The following ARHGAP6 variants were observed in gnomAD, a reference collection of about 807,000 sequenced individuals.
ARHGAP6 encodes the protein Rho GTPase activating protein 6.
In ARHGAP6, 16 loss-of-function variants were observed where a neutral mutation model predicts 55.7. That is an observed-to-expected ratio of 0.29 (90% CI 0.19 to 0.44). The LOEUF is 0.44. Among genes scored for constraint, ARHGAP6 ranks in the 20% least tolerant of loss-of-function variants. The probability of loss-of-function intolerance (pLI) is 1.00; values close to 1 mark genes in which losing one functional copy is unlikely to be tolerated. For missense variants in ARHGAP6, 698 were observed against 808.9 expected (o/e 0.86, Z 1.66); for synonymous variants, 382 against 360.9 (o/e 1.06, Z -0.66).
rs762975643 is a variant in ARHGAP6, at chrX:11,364,366, A to G, written c.589-109659T>C. Among the ~76,000 whole-genome samples, 7 of 111,184 alleles carry G rather than the reference A, an allele frequency of 6.3e-5. No individual in the cohort carries two copies. The South Asian group carries it at 1.5e-3, about 24-fold the overall frequency. On this transcript the variant is annotated intron_variant, in intron 1 of 12. Transcript: ENST00000337414. ...CTTTGAAACTAAAAATGTTAAAAAA[A>G]AAAAAAAAGAAATTACTTTTCCACC...
intron 1 of ARHGAP6, among the ~76,000 whole-genome samples, chrX:11,478,632 G>A (rs949664557): frequency 1.8e-5 from 2 of 110,739 alleles, no homozygotes; most frequent in South Asian, 3.8e-4. Flanking sequence ...TCTTCAAGAC[G>A]TACACTTTAA....
chrX:11,304,913 A>G (rs1312427393), intron 1 of ARHGAP6, among the ~76,000 whole-genome samples: 2 of 104,143 alleles, frequency 1.9e-5, no homozygotes, highest in Non-Finnish European at 1.9e-5. Context: ...CAGCCTCCTG[A>G]GTAGCTGGGA....
At chrX:11,413,606 GA>G (rs1245774417) in intron 1 of ARHGAP6, among the ~76,000 whole-genome samples, 1 of 111,632 alleles carries the variant, frequency 9.0e-6, no homozygotes, top group Non-Finnish European at 1.9e-5. Context: ...TCTTGCCTCT[GA>G]GGGAGTTCTG....
At chrX:11,558,352 T>C (rs2051343319) in intron 1 of ARHGAP6, among the ~76,000 whole-genome samples, 2 of 111,665 alleles carry the variant, frequency 1.8e-5, no homozygotes, top group South Asian at 7.5e-4. Context: ...TCGCCAAACA[T>C]CATGTTATTT....
intron 1 of ARHGAP6, among the ~76,000 whole-genome samples, chrX:11,585,076 C>T (rs1402669984): frequency 8.9e-6 from 1 of 112,039 alleles, no homozygotes; most frequent in African/African-American, 3.2e-5. Flanking sequence ...ATAATGGCCT[C>T]CAGCTCCATC....
chrX:11,480,672 A>G (rs111927427), intron 1 of ARHGAP6, among the ~76,000 whole-genome samples: 117 of 112,616 alleles, frequency 1.0e-3, no homozygotes, highest in African/African-American at 3.7e-3. Context: ...CAGTTTTAGC[A>G]TGTTAGCTGC....
chrX:11,475,966 GA>G (rs965219054), intron 1 of ARHGAP6, among the ~76,000 whole-genome samples: 14 of 111,258 alleles, frequency 1.3e-4, no homozygotes, highest in African/African-American at 4.2e-4. Context: ...CAATAAATAT[GA>G]AAAGGTGCTC....
chrX:11,159,094 C>A (rs2045904950), intron 9 of ARHGAP6, among the ~76,000 whole-genome samples: 1 of 111,243 alleles, frequency 9.0e-6, no homozygotes, highest in South Asian at 3.8e-4. Flanking sequence ...AAAAGAAAGC[C>A]AATGATAAAG....
chrX:11,506,002 A>G (rs2050728438), intron 1 of ARHGAP6, among the ~76,000 whole-genome samples: 2 of 111,266 alleles, frequency 1.8e-5, no homozygotes, highest in Non-Finnish European at 3.8e-5. Context: ...GAGTTTACCT[A>G]TATAGCAAAC....
At chrX:11,339,599 T>C (rs983933476) in intron 1 of ARHGAP6, among the ~76,000 whole-genome samples, 1 of 111,225 alleles carries the variant, frequency 9.0e-6, no homozygotes, top group Non-Finnish European at 1.9e-5. Context: ...ATACAGATTT[T>C]ATATTAACGT....
In ARHGAP6 at chrX:11,469,116, A is replaced by C. The variant is rs1247496611; in HGVS notation, c.588+195125T>G. Among the ~76,000 whole-genome samples the C allele has an allele frequency of 9.8e-5, 11 of 112,786 alleles. No individual in the cohort carries two copies. In the Admixed American group the frequency reaches 1.0e-3, roughly 11 times the overall value. ...TGTGAGAAATAAATGTTTACTGTTC[A>C]AACCACCCAGTCTATGGCATTTGCT... is the stretch of plus-strand genomic sequence containing the variant. On this transcript the variant is annotated intron_variant, in intron 1 of 12. Transcript: ENST00000337414.
At chrX:11,494,224 A>C (rs5935079) in intron 1 of ARHGAP6, among the ~76,000 whole-genome samples, 2 of 111,791 alleles carry the variant, frequency 1.8e-5, no homozygotes, top group African/African-American at 3.3e-5. Flanking sequence ...CCTCCAACCC[A>C]GGTTGAGAAC....
At chrX:11,661,115 T>C (rs1253558406) in intron 1 of ARHGAP6, among the ~76,000 whole-genome samples, 1 of 112,386 alleles carries the variant, frequency 8.9e-6, no homozygotes, top group East Asian at 2.8e-4. Flanking sequence ...GTTGCAAAAG[T>C]TGGCAAACTC....
intron 1 of ARHGAP6, among the ~76,000 whole-genome samples, chrX:11,266,443 C>A (rs2047628849): frequency 8.9e-6 from 1 of 111,848 alleles, no homozygotes; most frequent in Non-Finnish European, 1.9e-5. Context: ...CAAAAGTTTT[C>A]ATTCTCTTTC....
At chrX:11,514,840 A>G (rs1308021216) in intron 1 of ARHGAP6, among the ~76,000 whole-genome samples, 2 of 51,136 alleles carry the variant, frequency 3.9e-5, no homozygotes, top group African/African-American at 1.1e-4. Context: ...TATGCATTGC[A>G]CACACACACA....
At chrX:11,418,805 G>C (rs763279161) in intron 1 of ARHGAP6, among the ~76,000 whole-genome samples, 66 of 111,933 alleles carry the variant, frequency 5.9e-4, no homozygotes, top group African/African-American at 2.0e-3. Context: ...CAGTGTGGAA[G>C]AAAGAGACAT....
chrX:11,607,773 T>C (rs1428185624), intron 1 of ARHGAP6, among the ~76,000 whole-genome samples: 3 of 112,506 alleles, frequency 2.7e-5, no homozygotes, highest in African/African-American at 9.7e-5. Flanking sequence ...TTTAAATTTA[T>C]GTTTGATTGT....
chrX:11,280,512 G>C (rs1415141850), intron 1 of ARHGAP6, among the ~76,000 whole-genome samples: 2 of 111,220 alleles, frequency 1.8e-5, no homozygotes, highest in Admixed American at 9.6e-5. Context: ...AGCAGCGTCT[G>C]TGTCACAGAT....
intron 1 of ARHGAP6, among the ~76,000 whole-genome samples, chrX:11,276,240 A>G (rs2047763721): frequency 9.0e-6 from 1 of 110,754 alleles, no homozygotes; most frequent in African/African-American, 3.3e-5. Flanking sequence ...CATCTCAGCT[A>G]TTTTCTTGAC....
Sources: allele counts gnomAD v4.1 joint callset (sites outside exome capture counted in the v4.1 genomes callset), GRCh38; gene constraint gnomAD v4.1.1; transcripts MANE v1.5; gene names NCBI Gene and HGNC (gene_info 2026-07-23, HGNC 2026-07-21).